Variants in PIEZO2 observed in about 807,000 individuals in gnomAD.
PIEZO2 encodes the protein piezo-type mechanosensitive ion channel component 2.
Under a neutral mutation model 337.3 loss-of-function variants are expected in PIEZO2, and 172 were observed. The observed-to-expected ratio is 0.51, with a 90% CI of 0.45 to 0.58. PIEZO2 has a LOEUF of 0.58. Ranked by LOEUF, PIEZO2 falls within the 20% of genes least tolerant of loss-of-function variation. PIEZO2 has a pLI of 0.00. For synonymous variants in PIEZO2, 1,251 were observed against 1,228.5 expected (o/e 1.02, Z -0.38); for missense variants, 3,028 against 3,391.3 (o/e 0.89, Z 2.66).
At position 10,943,067 on chromosome 18, in the gene PIEZO2, T is replaced by C. The variant is rs1425791034; in HGVS notation, c.287-31839A>G. Among the ~76,000 whole-genome samples the C allele has an allele frequency of 1.3e-5, 2 of 152,122 alleles. No individual in the cohort carries two copies. The highest frequency in any genetic ancestry group is 2.4e-5 in the African/African-American group (1 of 41,430). On this transcript the variant is annotated intron_variant, in intron 3 of 55. Transcript: ENST00000674853. The surrounding 1 kb of genome is among the most constrained non-coding windows in gnomAD (Gnocchi z 4.5). ...CTCCACCTAGATTTCAGAAGATACA[T>C]GGAAACCCCTGGATAACCAGGCAGA...
Position 10,818,120 on chromosome 18 carries a change from A to C in PIEZO2, c.918-10846T>G, listed in dbSNP as rs768336702. ...ACTAAATAGATTCTGGAACATCAAC[A>C]AGGAGATAGAAATCACAATTTATAC... is the stretch of plus-strand genomic sequence containing the variant. On this transcript the variant is annotated intron_variant, in intron 7 of 55. Coordinates refer to ENST00000674853, the MANE Select transcript of PIEZO2 (RefSeq NM_001378183.1). Among the ~76,000 whole-genome samples the C allele has an allele frequency of 1.2e-4, 18 of 152,136 alleles. 1 individual carries two copies. The highest frequency in any genetic ancestry group is 2.1e-4 in the South Asian group (1 of 4,826).
intron 1 of PIEZO2, among the ~76,000 whole-genome samples, chr18:11,075,735 C>T (rs12960948): frequency 0.34 from 51,651 of 151,512 alleles, 9,042 homozygotes; most frequent in Admixed American, 0.37. Context: ...TTTATGCACA[C>T]CAAAACGTGC....
chr18:10,916,805 A>G (rs2031013660), intron 3 of PIEZO2, among the ~76,000 whole-genome samples: 1 of 152,182 alleles, frequency 6.6e-6, no homozygotes, highest in Non-Finnish European at 1.5e-5. Flanking sequence ...ACCAAGAATG[A>G]GCGATGGCTG....
At chr18:10,687,728 G>A (rs1384823111) in intron 49 of PIEZO2, among the ~76,000 whole-genome samples, 1 of 152,158 alleles carries the variant, frequency 6.6e-6, no homozygotes, top group African/African-American at 2.4e-5. Flanking sequence ...CGTTCTCTTG[G>A]AATGTGCTGC....
intron 7 of PIEZO2, among the ~76,000 whole-genome samples, chr18:10,810,547 C>A (rs1242620215): frequency 6.6e-6 from 1 of 152,194 alleles, no homozygotes; most frequent in East Asian, 1.9e-4. Flanking sequence ...GGAGAAAAGC[C>A]CTGAGTCCCA....
chr18:10,801,735 T>G (rs1255856041), intron 9 of PIEZO2, among the ~76,000 whole-genome samples: 1 of 152,182 alleles, frequency 6.6e-6, no homozygotes, highest in Non-Finnish European at 1.5e-5. Context: ...TGTACCCGTT[T>G]GAGACATCTG....
In PIEZO2 at chr18:10,705,565, G is replaced by T; in HGVS notation, c.5770C>A (p.Pro1924Thr). The T allele has an allele frequency of 6.5e-7, 1 of 1,537,200 alleles. No individual in the cohort carries two copies. The highest frequency in any genetic ancestry group is 2.0e-5 in the Admixed American group (1 of 51,002). Residue 1924 changes from proline to threonine, a missense_variant, in exon 41 of 56, where the codon CCA becomes ACA. This residue lies in a region of PIEZO2 where 1,925 missense variants were observed against 2,051.9 expected (regional missense o/e 0.94). Transcript: ENST00000674853. ...GAGAACTGTGTCAGCTCTTCCTCTG[G>T]GGTGAGGCTGGCCTCCTCGGCACCC... ...AMGAEEASLT[P>T]EEELTQFSTL...
intron 2 of PIEZO2, among the ~76,000 whole-genome samples, chr18:11,055,777 G>A (rs1012602662): frequency 3.3e-5 from 5 of 152,216 alleles, no homozygotes; most frequent in African/African-American, 1.2e-4. Context: ...GTCAGTTGCA[G>A]GCTGGGCCTC....
At chr18:10,693,424 C>T (rs961397453) in intron 47 of PIEZO2, among the ~76,000 whole-genome samples, 1 of 151,346 alleles carries the variant, frequency 6.6e-6, no homozygotes, top group African/African-American at 2.4e-5. Context: ...GGCTGGAGTG[C>T]AGCAGCGCAA....
intron 3 of PIEZO2, among the ~76,000 whole-genome samples, chr18:10,921,663 G>C (rs902468847): frequency 2.0e-5 from 3 of 152,164 alleles, no homozygotes; most frequent in Non-Finnish European, 4.4e-5. Context: ...CAATTGTTCA[G>C]GGAATGAGAG....
intron 2 of PIEZO2, among the ~76,000 whole-genome samples, chr18:11,039,430 G>C (rs2037036477): frequency 6.6e-6 from 1 of 152,110 alleles, no homozygotes; most frequent in African/African-American, 2.4e-5. Context: ...AGCCTGCTTT[G>C]GCGAATGTTT....
rs2039525286 is a variant in PIEZO2 at position 11,105,180 on chromosome 18, C to T, written c.65-38958G>A. Among the ~76,000 whole-genome samples, 1 of 152,078 alleles carries T rather than the reference C, an allele frequency of 6.6e-6. No individual in the cohort carries two copies. The highest frequency in any genetic ancestry group is 6.5e-5 in the Admixed American group (1 of 15,272). On this transcript the variant is annotated intron_variant, in intron 1 of 55. Coordinates refer to ENST00000674853, the MANE Select transcript of PIEZO2 (RefSeq NM_001378183.1). This position sits in a 1 kb window ranked among gnomAD's most constrained non-coding sequence, Gnocchi z 4.3. ...CATGATGGAGGAAGTATCAATAAATCGCCCATTTTCTTTGACCACGATTTG... is the reference window on the plus strand; with the variant it reads ...CATGATGGAGGAAGTATCAATAAATTGCCCATTTTCTTTGACCACGATTTG...
Position 10,819,883 on chromosome 18 carries a change from C to T in PIEZO2, c.918-12609G>A, listed in dbSNP as rs896839323. Among the ~76,000 whole-genome samples, 7 of 152,288 alleles carry T rather than the reference C, an allele frequency of 4.6e-5. No homozygotes were observed. Among genetic ancestry groups the T allele is most frequent in the Non-Finnish European group, 8.8e-5 (6 of 68,002 alleles). On this transcript the variant is annotated intron_variant, in intron 7 of 55. Transcript: ENST00000674853. The surrounding 1 kb of genome is among the most constrained non-coding windows in gnomAD (Gnocchi z 4.3). ...CTGGTGCAAAATTCTCTCAGTCTTT[C>T]GTATCTGATAATATCTTTATTTGAC... is the stretch of plus-strand genomic sequence containing the variant.
In PIEZO2 at chr18:10,760,955, C is replaced by T. The variant is rs1436524011; in HGVS notation, c.3406G>A (p.Ala1136Thr). The T allele has an allele frequency of 1.3e-6, 2 of 1,534,798 alleles. No individual in the cohort carries two copies. The highest frequency in any genetic ancestry group is 8.7e-7 in the Non-Finnish European group (1 of 1,144,952). Residue 1136 changes from alanine (A) to threonine (T), a missense_variant, in exon 24 of 56, where the codon GCC becomes ACC. Around this residue, in one of 5 missense-constraint regions of PIEZO2, gnomAD observed 1,925 missense variants for 2,051.9 expected, o/e 0.94. Coordinates refer to ENST00000674853, the MANE Select transcript of PIEZO2 (RefSeq NM_001378183.1). ...AAGAAGTAATTAATGAAATATTTGG[C>T]ACAATTAATAAGTCCATCATCTAGA... ...LHLDDGLINC[A>T]KYFINYFFYK...
chr18:10,732,607 TAAAAC>T (rs1442958402), intron 35 of PIEZO2, among the ~76,000 whole-genome samples: 1 of 152,190 alleles, frequency 6.6e-6, no homozygotes, highest in Non-Finnish European at 1.5e-5. Flanking sequence ...CACGAGAAAT[TAAAAC>T]AAATGCAACA....
intron 2 of PIEZO2, among the ~76,000 whole-genome samples, chr18:10,983,234 C>T (rs776675399): frequency 1.3e-5 from 2 of 152,094 alleles, no homozygotes; most frequent in Non-Finnish European, 2.9e-5. Context: ...TCCACAGAAA[C>T]ACCAATATTG....
intron 2 of PIEZO2, among the ~76,000 whole-genome samples, chr18:11,057,477 G>A (rs2037773786): frequency 6.6e-6 from 1 of 152,128 alleles, no homozygotes; most frequent in Non-Finnish European, 1.5e-5. Flanking sequence ...CTTCACAACA[G>A]TATTGTAAAG....
chr18:11,081,109 A>G (rs1598929053), intron 1 of PIEZO2, among the ~76,000 whole-genome samples: 2 of 152,142 alleles, frequency 1.3e-5, no homozygotes, highest in African/African-American at 4.8e-5. Context: ...TGAGTCATGA[A>G]CCTCTTTCTG....
chr18:11,089,238 C>T (rs1289080581), intron 1 of PIEZO2, among the ~76,000 whole-genome samples: 1 of 152,140 alleles, frequency 6.6e-6, no homozygotes, highest in Admixed American at 6.5e-5. Flanking sequence ...ATAACCACCC[C>T]CTAAGCTCTC....
Sources: allele counts gnomAD v4.1 joint callset (sites outside exome capture counted in the v4.1 genomes callset), GRCh38; gene constraint gnomAD v4.1.1; regional missense constraint gnomAD v4.1.1; non-coding constraint Gnocchi (gnomAD v3.1); transcripts MANE v1.5; gene names NCBI Gene and HGNC (gene_info 2026-07-23, HGNC 2026-07-21).